DCAF8L2: variants seen among roughly 807,000 people sequenced by gnomAD.
The protein encoded by DCAF8L2 is DDB1- and CUL4-associated factor 8-like protein 2.
For missense variants in DCAF8L2, 430 were observed against 490.7 expected (o/e 0.88, Z 1.17); for synonymous variants, 200 against 190.9 (o/e 1.05, Z -0.39).
intron 1 of DCAF8L2, among the ~76,000 whole-genome samples, chrX:27,625,308 A>G (rs955487601): frequency 5.4e-5 from 6 of 111,974 alleles, no homozygotes; most frequent in African/African-American, 1.9e-4. Context: ...ACCATCTCAC[A>G]CCAGTCAGAA....
At chrX:27,523,166 A>T in the DCAF8L2 span, among the ~76,000 whole-genome samples, 1 of 111,571 alleles carries the variant, frequency 9.0e-6, no homozygotes, top group African/African-American at 3.3e-5. Flanking sequence ...TTATGATACA[A>T]AGTATACGGA....
chrX:27,629,218 G>A (rs1156597561), intron 1 of DCAF8L2, among the ~76,000 whole-genome samples: 1 of 110,854 alleles, frequency 9.0e-6, no homozygotes, highest in Admixed American at 9.6e-5. Flanking sequence ...ATTGATGTGG[G>A]CCCACTTGTC....
the DCAF8L2 span, among the ~76,000 whole-genome samples, chrX:27,568,556 G>T: frequency 9.0e-6 from 1 of 110,848 alleles, no homozygotes; most frequent in Non-Finnish European, 1.9e-5. Flanking sequence ...ATAACAGCTA[G>T]AATCTGGATT....
At chrX:27,532,543 C>T in the DCAF8L2 span, among the ~76,000 whole-genome samples, 1 of 110,330 alleles carries the variant, frequency 9.1e-6, no homozygotes, top group South Asian at 3.8e-4. Flanking sequence ...AGTAGAAAAT[C>T]ACTATTTGGC....
intron 2 of DCAF8L2, among the ~76,000 whole-genome samples, chrX:27,657,178 C>T (rs1362187485): frequency 4.5e-5 from 5 of 111,087 alleles, no homozygotes; most frequent in African/African-American, 1.6e-4. Flanking sequence ...TAATAACCTC[C>T]CCTTTATTAA....
chrX:27,724,538 G>C (rs1706761784), intron 4 of DCAF8L2, among the ~76,000 whole-genome samples: 1 of 110,250 alleles, frequency 9.1e-6, no homozygotes, highest in Admixed American at 9.7e-5. Flanking sequence ...AAGAACAAGG[G>C]GAAAAAAACC....
chrX:27,600,724 C>T (rs895746409), intron 1 of DCAF8L2, among the ~76,000 whole-genome samples: 4 of 111,818 alleles, frequency 3.6e-5, no homozygotes, highest in African/African-American at 9.7e-5. Context: ...GAGAATTATA[C>T]GAAGCAATCT....
chrX:27,715,202 C>T (rs1931654720), intron 3 of DCAF8L2, among the ~76,000 whole-genome samples: 1 of 109,734 alleles, frequency 9.1e-6, no homozygotes, highest in East Asian at 2.9e-4. Flanking sequence ...ACCATCCTGG[C>T]TAACACAGTG....
At chrX:27,731,331 G>A (rs1431699113) in intron 4 of DCAF8L2, among the ~76,000 whole-genome samples, 2 of 111,167 alleles carry the variant, frequency 1.8e-5, no homozygotes, top group South Asian at 3.8e-4. Context: ...ACCTGGAGAC[G>A]CGGAGGTTGC....
intron 2 of DCAF8L2, among the ~76,000 whole-genome samples, chrX:27,651,853 T>A (rs1004013976): frequency 9.0e-6 from 1 of 110,661 alleles, no homozygotes; most frequent in African/African-American, 3.3e-5. Context: ...TAGTATAACT[T>A]GCTCATTTCC....
chrX:27,484,680 A>G, the DCAF8L2 span, among the ~76,000 whole-genome samples: 1 of 111,593 alleles, frequency 9.0e-6, no homozygotes, highest in African/African-American at 3.2e-5. Context: ...TATGTTTTAG[A>G]TGATTCCCTT....
chrX:27,685,762 G>C (rs1262037093), intron 3 of DCAF8L2, among the ~76,000 whole-genome samples: 1 of 111,658 alleles, frequency 9.0e-6, no homozygotes, highest in African/African-American at 3.3e-5. Flanking sequence ...ACCTTCTGCA[G>C]AGCAAAGGAA....
upstream of DCAF8L2, among the ~76,000 whole-genome samples, chrX:27,588,220 A>G (rs928166733): frequency 3.0e-4 from 33 of 108,787 alleles, no homozygotes; most frequent in African/African-American, 1.1e-3. Flanking sequence ...CTCAATGTTT[A>G]GCTCCCACTT....
At chrX:27,507,430 C>T in the DCAF8L2 span, among the ~76,000 whole-genome samples, 1 of 111,401 alleles carries the variant, frequency 9.0e-6, no homozygotes, top group African/African-American at 3.3e-5. Context: ...GAAGTGGCAC[C>T]CCCACTAGAG....
At chrX:27,578,599 TATC>T in the DCAF8L2 span, among the ~76,000 whole-genome samples, 4 of 111,454 alleles carry the variant, frequency 3.6e-5, no homozygotes, top group African/African-American at 1.3e-4. Context: ...CAAGAGAAAT[TATC>T]ATCAGAGTGA....
At chrX:27,656,036 A>G (rs1929338457) in intron 2 of DCAF8L2, among the ~76,000 whole-genome samples, 2 of 111,716 alleles carry the variant, frequency 1.8e-5, no homozygotes, top group South Asian at 3.7e-4. Context: ...TGAGGCTTCC[A>G]GATGAAATGC....
At chrX:27,693,506 T>A (rs773332792) in intron 3 of DCAF8L2, among the ~76,000 whole-genome samples, 26 of 111,596 alleles carry the variant, frequency 2.3e-4, no homozygotes, top group African/African-American at 7.1e-4. Flanking sequence ...ATAAGCATTT[T>A]CCTTCATTTA....
chrX:27,502,330 AAAAAAATATATATAT>A, the DCAF8L2 span, among the ~76,000 whole-genome samples: 5 of 35,075 alleles, frequency 1.4e-4, no homozygotes, highest in Non-Finnish European at 2.3e-4. Flanking sequence ...AAAAAAAAAA[AAAAAAATATATATAT>A]ATATATATAT....
chrX:27,723,816 A>G (rs181841263), intron 4 of DCAF8L2, among the ~76,000 whole-genome samples: 1 of 111,466 alleles, frequency 9.0e-6, no homozygotes, highest in Non-Finnish European at 1.9e-5. Context: ...AACCATGTGT[A>G]TATCAATGGG....
Sources: gnomAD v4.1 joint callset for allele counts (sites outside exome capture counted in the v4.1 genomes callset) on GRCh38, gnomAD v4.1.1 for gene constraint, MANE v1.5 for transcripts, NCBI Gene and HGNC (gene_info 2026-07-23, HGNC 2026-07-21) for gene names.